Variants in SDK1 observed in about 807,000 individuals in gnomAD.
SDK1 encodes the protein sidekick cell adhesion molecule 1, also known as protein sidekick-1.
In SDK1, 157 loss-of-function variants were observed where a neutral mutation model predicts 245.5. The observed-to-expected ratio is 0.64, with a 90% CI of 0.56 to 0.73. The LOEUF (loss-of-function observed/expected upper bound fraction) is 0.73. SDK1 is among the 30% of genes least tolerant of loss of function. The pLI, the probability that SDK1 is intolerant of heterozygous loss-of-function variation, is 0.00. For synonymous variants in SDK1, 1,647 were observed against 1,278.5 expected, an observed-to-expected ratio of 1.29 and a Z score of -6.15; for missense variants, 3,583 against 3,002.3, an observed-to-expected ratio of 1.19 and a Z score of -4.52.
At chr7:3,481,045 A>G (rs1012368837) in intron 1 of SDK1, among the ~76,000 whole-genome samples, 2 of 152,364 alleles carry the variant, frequency 1.3e-5, no homozygotes, top group Admixed American at 1.3e-4. Context: ...GTTTTAAATC[A>G]GAGAATTTCA....
chr7:4,062,304 A>G (rs1251646611), intron 19 of SDK1, among the ~76,000 whole-genome samples: 1 of 152,156 alleles, frequency 6.6e-6, no homozygotes, highest in Non-Finnish European at 1.5e-5. Flanking sequence ...CAGAAATACA[A>G]AATATCATTT....
At chr7:3,723,544 G>T (rs912754140) in intron 4 of SDK1, among the ~76,000 whole-genome samples, 9 of 152,054 alleles carry the variant, frequency 5.9e-5, no homozygotes, top group African/African-American at 2.2e-4. Flanking sequence ...CTGATTTGTT[G>T]ATATAACCTT....
At chr7:3,400,086 C>T (rs531386169) in intron 1 of SDK1, among the ~76,000 whole-genome samples, 16 of 151,824 alleles carry the variant, frequency 1.1e-4, no homozygotes, top group Admixed American at 2.6e-4. Context: ...CCAGAGAGGG[C>T]GCTTTTGGGG....
chr7:3,949,502 G>A (rs780973681), intron 5 of SDK1, among the ~76,000 whole-genome samples: 2 of 152,164 alleles, frequency 1.3e-5, no homozygotes, highest in Non-Finnish European at 2.9e-5. Flanking sequence ...AGAATCCTCC[G>A]CTGCCGCTCA....
intron 4 of SDK1, among the ~76,000 whole-genome samples, chr7:3,756,623 C>T (rs1207562163): frequency 6.6e-6 from 1 of 151,954 alleles, no homozygotes; most frequent in Non-Finnish European, 1.5e-5. Context: ...ATGCCCTTTT[C>T]CTGCCCCAGG....
chr7:3,964,439 A>G (rs1439267759), intron 9 of SDK1, among the ~76,000 whole-genome samples: 1 of 152,134 alleles, frequency 6.6e-6, no homozygotes, highest in Non-Finnish European at 1.5e-5. Flanking sequence ...ATCACTCCTA[A>G]TCTTTTTCTT....
rs544491720 is a variant in SDK1 at position 3,718,565 on chromosome 7, A to C, written c.713+76460A>C. Among the ~76,000 whole-genome samples, 47 of 143,234 alleles carry C rather than the reference A, an allele frequency of 3.3e-4. 1 individual carries two copies. Among genetic ancestry groups the C allele is most frequent in the African/African-American group, 1.3e-3 (44 of 34,994 alleles). 94.0% of individuals were successfully genotyped at this position (143,234 alleles called of 152,430 possible). ...TAAATAAATAAATAAATAAATAAATAAATAAATAAATAAATAAATAAATAT... is the reference window on the plus strand; with the variant it reads ...TAAATAAATAAATAAATAAATAAATCAATAAATAAATAAATAAATAAATAT... On this transcript the variant is annotated intron_variant, in intron 4 of 44. Transcript: ENST00000404826.
intron 19 of SDK1, among the ~76,000 whole-genome samples, chr7:4,064,058 C>G (rs1451235108): frequency 6.6e-6 from 1 of 152,090 alleles, no homozygotes; most frequent in Non-Finnish European, 1.5e-5. Flanking sequence ...GCACAGGCAA[C>G]AAAACCAAAA....
intron 1 of SDK1, among the ~76,000 whole-genome samples, chr7:3,569,006 GTT>G (rs5881992): frequency 3.5e-5 from 5 of 143,572 alleles, no homozygotes; most frequent in African/African-American, 7.7e-5. Context: ...TGTGGCATAT[GTT>G]TTTTTTTTTT....
intron 1 of SDK1, among the ~76,000 whole-genome samples, chr7:3,582,385 G>A (rs1370633985): frequency 6.7e-6 from 1 of 150,362 alleles, no homozygotes. Context: ...TCTGTCTCAG[G>A]TAGGTCTCCC....
chr7:3,732,214 G>C (rs922427914), intron 4 of SDK1, among the ~76,000 whole-genome samples: 2 of 152,182 alleles, frequency 1.3e-5, no homozygotes, highest in South Asian at 4.1e-4. Flanking sequence ...GGTAAACTCC[G>C]ACTATTTTTT....
chr7:3,425,366 A>G lies in SDK1; in HGVS notation c.298+123482A>G, dbSNP rs1316071386. Among the ~76,000 whole-genome samples, 5 of 152,324 alleles carry G rather than the reference A, an allele frequency of 3.3e-5. 1 individual carries two copies. The highest frequency in any genetic ancestry group is 7.2e-5 in the African/African-American group (3 of 41,580). On this transcript the variant is annotated intron_variant, in intron 1 of 44. Coordinates refer to ENST00000404826, the MANE Select transcript of SDK1 (RefSeq NM_152744.4). Reference sequence around the variant, plus strand: ...TGAATATTTTTCCCTTTAAGCATAAATCTGTGATTGGGAGATTGATTTCTG... The same window carrying G: ...TGAATATTTTTCCCTTTAAGCATAAGTCTGTGATTGGGAGATTGATTTCTG...
chr7:3,356,037 T>G (rs1179119942), intron 1 of SDK1, among the ~76,000 whole-genome samples: 2 of 152,246 alleles, frequency 1.3e-5, no homozygotes, highest in African/African-American at 4.8e-5. Context: ...TAGGCCATAG[T>G]TGCTGACAGA....
intron 4 of SDK1, among the ~76,000 whole-genome samples, chr7:3,716,765 AAAAAAG>A (rs1785213421): frequency 6.6e-6 from 1 of 151,144 alleles, no homozygotes; most frequent in Non-Finnish European, 1.5e-5. Flanking sequence ...TCTCACCAAA[AAAAAAG>A]AAAAAAAAAA....
At chr7:4,179,775 G>A (rs1354648834) in intron 35 of SDK1, among the ~76,000 whole-genome samples, 2 of 151,968 alleles carry the variant, frequency 1.3e-5, no homozygotes, top group African/African-American at 4.8e-5. Flanking sequence ...AAGGGTGGGT[G>A]CCACTGCGGA....
At chr7:3,659,446 G>T (rs534424403) in intron 4 of SDK1, among the ~76,000 whole-genome samples, 3 of 152,162 alleles carry the variant, frequency 2.0e-5, no homozygotes, top group South Asian at 4.1e-4. Flanking sequence ...AGGAGCCAGC[G>T]ACTTGAAGAA....
intron 1 of SDK1, among the ~76,000 whole-genome samples, chr7:3,494,886 C>T (rs1037471975): frequency 1.3e-5 from 2 of 152,164 alleles, no homozygotes; most frequent in Non-Finnish European, 2.9e-5. Flanking sequence ...ACTTCTGCTC[C>T]CATGGTTTCA....
chr7:3,751,944 G>C (rs1038757063), intron 4 of SDK1, among the ~76,000 whole-genome samples: 1 of 152,234 alleles, frequency 6.6e-6, no homozygotes, highest in African/African-American at 2.4e-5. Context: ...ATGGGGAAGA[G>C]ACGAAAGATA....
intron 8 of SDK1, among the ~76,000 whole-genome samples, chr7:3,959,481 T>G (rs1583639695): frequency 6.6e-6 from 1 of 152,236 alleles, no homozygotes; most frequent in East Asian, 1.9e-4. Flanking sequence ...GTTCCACTGA[T>G]GTATTGCACA....
Sources: gnomAD v4.1 joint callset for allele counts (sites outside exome capture counted in the v4.1 genomes callset) on GRCh38, gnomAD v4.1.1 for gene constraint, MANE v1.5 for transcripts, NCBI Gene and HGNC (gene_info 2026-07-23, HGNC 2026-07-21) for gene names.